The following UBR1 variants were observed in gnomAD, a reference collection of about 807,000 sequenced individuals.
UBR1 encodes the protein ubiquitin protein ligase E3 component n-recognin 1.
UBR1 carries 102 observed loss-of-function variants against 242.1 expected under a neutral mutation model. That is an observed-to-expected ratio of 0.42 (90% CI 0.36 to 0.50). The LOEUF is 0.50. Among genes scored for constraint, UBR1 ranks in the 20% least tolerant of loss-of-function variants. The pLI is 0.01. For missense variants in UBR1, 1,772 were observed against 2,101.8 expected (o/e 0.84, Z 3.07); for synonymous variants, 675 against 684.8 (o/e 0.99, Z 0.22).
At chr15:43,083,175 T>C (rs1424182858) in intron 2 of UBR1, among the ~76,000 whole-genome samples, 1 of 152,200 alleles carries the variant, frequency 6.6e-6, no homozygotes, top group East Asian at 1.9e-4. Flanking sequence ...GGGATTTCTA[T>C]TCATTGTACA....
Position 43,032,567 on chromosome 15 carries a change from C to T in UBR1, c.2254+1G>A, listed in dbSNP as rs1305419777. On this transcript the variant is annotated splice_donor_variant, in intron 20 of 46. Transcript: ENST00000290650. LOFTEE classifies it high-confidence loss of function. ...TTCAAAACATTGTGTTTTAATCTTA[C>T]CCACAATATAGATGAGGACCTGAAG... The T allele has an allele frequency of 1.3e-6, 2 of 1,528,084 alleles. No homozygotes were observed. The highest frequency in any genetic ancestry group is 3.4e-5 in the Admixed American group (2 of 59,052). 94.7% of individuals were successfully genotyped at this position (1,528,084 alleles called of 1,614,324 possible). A position where few individuals can be genotyped will look rare whatever the true frequency, so the allele number is the denominator to read the frequency against.
In UBR1 at chr15:43,004,579, C is replaced by T. The variant is rs182131158; in HGVS notation, c.3416-649G>A. Among the ~76,000 whole-genome samples the T allele has an allele frequency of 9.3e-3, 1,415 of 152,354 alleles. 17 individuals carry two copies. The highest frequency in any genetic ancestry group is 0.032 in the African/African-American group (1,335 of 41,576). On this transcript the variant is annotated intron_variant, in intron 30 of 46. Transcript: ENST00000290650. Reference sequence around the variant, plus strand: ...TTTTTTTGGTGGAGACGGGGTTTCGCCCTGTTGGCCGGGCTGGTCTCCAGC... The same window carrying T: ...TTTTTTTGGTGGAGACGGGGTTTCGTCCTGTTGGCCGGGCTGGTCTCCAGC...
intron 1 of UBR1, among the ~76,000 whole-genome samples, chr15:43,091,701 G>A (rs764447691): frequency 5.9e-5 from 9 of 151,886 alleles, no homozygotes; most frequent in Non-Finnish European, 1.3e-4. Flanking sequence ...GGAGGCCGAG[G>A]TGGGTGGATC....
At chr15:42,949,341 A>T (rs1270657686) in intron 46 of UBR1, among the ~76,000 whole-genome samples, 1 of 151,280 alleles carries the variant, frequency 6.6e-6, no homozygotes, top group East Asian at 1.9e-4. Flanking sequence ...ATGATGAGTT[A>T]ATGGGTGCAG....
chr15:42,964,482 AAAAC>A lies in UBR1; in HGVS notation c.4592-443_4592-440del, dbSNP rs925825428. ...GAAACTCCGTCTCAAAAAAAAACAA[AAAAC>A]AAACAAACAAACAAAACCCATGGGT... On this transcript the variant is annotated intron_variant, in intron 41 of 46. Transcript: ENST00000290650. 1.1e-4 allele frequency among the ~76,000 whole-genome samples: 17 copies of A among 152,226 alleles called. 1 individual carries two copies. The highest frequency in any genetic ancestry group is 1.6e-4 in the Non-Finnish European group (11 of 67,996).
In UBR1 at chr15:42,988,904, A is replaced by T. The variant is rs1362457215; in HGVS notation, c.3912T>A (p.Ile1304=). ...TTTCATCAGGTGGCACTTTCAATCC[A>T]ATTCTATAAATTGTTGTGGCAAAGA... is the stretch of plus-strand genomic sequence containing the variant. ...VILFATTIYR[I]GLKVPPDERD... The change falls in exon 35 of 47, where the codon ATT becomes ATA. Residue 1304 remains isoleucine, a synonymous_variant. Transcript: ENST00000290650. The T allele has an allele frequency of 2.5e-6, 4 of 1,613,090 alleles. No individual in the cohort carries two copies. The Admixed American group carries it at 5.0e-5, about 20-fold the overall frequency.
chr15:42,984,761 T>TC, intron 36 of UBR1, 126 bp downstream of exon 36: 3 of 836,672 alleles, frequency 3.6e-6, no homozygotes, highest in Non-Finnish European at 6.0e-6. Flanking sequence ...GTTCCTTTTT[T>TC]CCCCACTATA....
At chr15:43,004,746 C>T (rs1217406627) in intron 30 of UBR1, among the ~76,000 whole-genome samples, 1 of 152,222 alleles carries the variant, frequency 6.6e-6, no homozygotes, top group Non-Finnish European at 1.5e-5. Context: ...CTCCTCCCAG[C>T]CGCCTGCCTT....
Position 42,998,223 on chromosome 15 carries a change from C to T in UBR1, c.3702G>A (p.Arg1234=). The T allele has an allele frequency of 6.2e-7, 1 of 1,613,934 alleles. No individual in the cohort carries two copies. The highest frequency in any genetic ancestry group is 8.5e-7 in the Non-Finnish European group (1 of 1,179,972). The change falls in exon 33 of 47, where the codon CGG becomes CGA. Residue 1234 remains arginine (R), a synonymous_variant. Transcript: ENST00000290650. The stretch of plus-strand genomic sequence containing the variant: ...TTCTGGCCAGAACAGTCTGTATCCA[C>T]CGTGCCAGGGTCAAAAGTTGAGCAA... ...DALAQLLTLA[R]WIQTVLARIS... is the part of the protein sequence containing the mutation.
chr15:42,952,849 T>C (rs999654730), intron 44 of UBR1, among the ~76,000 whole-genome samples: 2 of 152,190 alleles, frequency 1.3e-5, no homozygotes, highest in Non-Finnish European at 2.9e-5. Context: ...AATATGACCT[T>C]GTAAGTATGC....
At chr15:43,001,063 A>G (rs2032716851) in intron 32 of UBR1, among the ~76,000 whole-genome samples, 1 of 151,708 alleles carries the variant, frequency 6.6e-6, no homozygotes, top group Non-Finnish European at 1.5e-5. Context: ...CAAACTCCTG[A>G]TCTCAGGTGA....
chr15:43,081,786 A>C (rs375518668), intron 3 of UBR1, among the ~76,000 whole-genome samples: 1 of 152,124 alleles, frequency 6.6e-6, no homozygotes, highest in African/African-American at 2.4e-5. Context: ...TCTCTTAAAA[A>C]TCCATATTTT....
chr15:43,025,615 G>A (rs1209168629), intron 23 of UBR1, 186 bp from the exon 24 acceptor site: 2 of 575,032 alleles, frequency 3.5e-6, no homozygotes, highest in Non-Finnish European at 6.2e-6. Context: ...AAATAGATGA[G>A]GAATATCCCT....
chr15:42,978,004 T>A, intron 37 of UBR1, 57 bp from the exon 38 acceptor site: 1 of 1,448,652 alleles, frequency 6.9e-7, no homozygotes, highest in Non-Finnish European at 9.7e-7. Context: ...TGTAGGTAAA[T>A]AAAATGCAAG....
chr15:43,004,735 C>T (rs1195430319), intron 30 of UBR1, among the ~76,000 whole-genome samples: 4 of 152,190 alleles, frequency 2.6e-5, no homozygotes, highest in Admixed American at 2.0e-4. Flanking sequence ...GCTACAACCC[C>T]CTCCTCCCAG....
intron 40 of UBR1, among the ~76,000 whole-genome samples, chr15:42,967,971 G>A (rs888720243): frequency 6.6e-6 from 1 of 150,846 alleles, no homozygotes; most frequent in African/African-American, 2.4e-5. Context: ...AGTATGTACT[G>A]TTATACAATA....
At chr15:43,098,556 C>G (rs1199909465) in intron 1 of UBR1, among the ~76,000 whole-genome samples, 2 of 152,176 alleles carry the variant, frequency 1.3e-5, no homozygotes, top group Non-Finnish European at 2.9e-5. Context: ...TCTATCCAGA[C>G]ACACTCTTTG....
chr15:42,973,166 C>T (rs999626102), intron 39 of UBR1, among the ~76,000 whole-genome samples: 2 of 152,168 alleles, frequency 1.3e-5, no homozygotes, highest in Non-Finnish European at 2.9e-5. Flanking sequence ...AAGTGCTTTG[C>T]CCACTTTATT....
rs1418290307 is a variant in UBR1, at chr15:43,074,968, AGCATTCTTACCTCTTTTATAGTACCT to A, written c.513_528+10del. ...AATAGTTAACAATTTTTAACAAAAT[AGCATTCTTACCTCTTTTATAGTACCT>A]GCTCTTCCAGGTTCATGATTTACAC... On this transcript the variant is annotated splice_donor_variant and splice_donor_5th_base_variant and coding_sequence_variant and intron_variant, in exon 4 of 47. Transcript: ENST00000290650. LOFTEE classifies it high-confidence loss of function. 1.3e-6 allele frequency: 2 copies of A among 1,593,174 alleles called. No homozygotes were observed. The highest frequency in any genetic ancestry group is 1.7e-6 in the Non-Finnish European group (2 of 1,160,934).
Sources: allele counts gnomAD v4.1 joint callset (sites outside exome capture counted in the v4.1 genomes callset), GRCh38; gene constraint gnomAD v4.1.1; transcripts MANE v1.5; gene names NCBI Gene and HGNC (gene_info 2026-07-23, HGNC 2026-07-21).